The following PHLDB3 variants were observed in gnomAD, a reference collection of about 807,000 sequenced individuals.
The protein encoded by PHLDB3 is pleckstrin homology-like domain family B member 3.
PHLDB3 carries 86 observed loss-of-function variants against 85.7 expected under a neutral mutation model. The ratio of observed to expected loss-of-function variants is 1.00; its 90% CI spans 0.84 to 1.20. The LOEUF (loss-of-function observed/expected upper bound fraction) is 1.20, where lower values mean the gene tolerates loss of function less well. Among genes scored for constraint, PHLDB3 ranks in the 50% most tolerant of loss-of-function variants. PHLDB3 has a pLI of 0.00. For missense variants in PHLDB3, 995 were observed against 873.0 expected (o/e 1.14, Z -1.76); for synonymous variants, 376 against 349.8 (o/e 1.07, Z -0.83).
chr19:43,486,199 A>G, intron 13 of PHLDB3, 67 bp downstream of exon 13: 4 of 1,409,196 alleles, frequency 2.8e-6, no homozygotes, highest in Non-Finnish European at 3.7e-6. Context: ...AGATGTAAGA[A>G]AGGGCATAGG....
chr19:43,502,383 T>C, intron 2 of PHLDB3, 100 bp from the exon 3 acceptor site: 4 of 1,145,870 alleles, frequency 3.5e-6, no homozygotes, highest in Non-Finnish European at 4.8e-6. Flanking sequence ...CGGGTCTCAG[T>C]CCATCAGTCC....
intron 9 of PHLDB3, among the ~76,000 whole-genome samples, chr19:43,493,629 C>CAA (rs964629803): frequency 1.2e-4 from 16 of 136,630 alleles, no homozygotes; most frequent in African/African-American, 4.0e-4. Context: ...GAGACTCTGT[C>CAA]AAAAAAAAAA....
intron 13 of PHLDB3, among the ~76,000 whole-genome samples, chr19:43,480,176 C>G (rs1008947904): frequency 1.1e-4 from 16 of 148,576 alleles, no homozygotes; most frequent in Non-Finnish European, 4.4e-5. Context: ...CCTGTAATTC[C>G]AGCTACTCAG....
chr19:43,495,238 C>T lies in PHLDB3; in HGVS notation c.1035+18G>A, dbSNP rs1443111285. 1 of 1,609,212 alleles carries T rather than the reference C, an allele frequency of 6.2e-7. No homozygotes were observed. Among genetic ancestry groups the T allele is most frequent in the Admixed American group, 1.7e-5 (1 of 59,738 alleles). On this transcript the variant is annotated intron_variant, in intron 8 of 15. Transcript: ENST00000292140. ...GTCTGAGGGAGGAGGGACTGAGAGG[C>T]ATACAAAATCCCCATACCTTAGTGA... is the stretch of plus-strand genomic sequence containing the variant.
At chr19:43,498,974 C>CGG (rs1276371754) in intron 4 of PHLDB3, among the ~76,000 whole-genome samples, 1 of 151,884 alleles carries the variant, frequency 6.6e-6, no homozygotes, top group African/African-American at 2.4e-5. Context: ...GTCCAGCTCA[C>CGG]GGGGGGTTTG....
chr19:43,501,984 A>C, intron 3 of PHLDB3, 113 bp from the exon 4 acceptor site: 1 of 1,482,346 alleles, frequency 6.7e-7, no homozygotes, highest in East Asian at 2.5e-5. Flanking sequence ...CTGAATTTGG[A>C]GGGAGGAAGA....
intron 15 of PHLDB3, 26 bp downstream of exon 15, chr19:43,478,021 G>T: frequency 6.3e-7 from 1 of 1,579,826 alleles, no homozygotes; most frequent in Non-Finnish European, 8.7e-7. Flanking sequence ...CAACTGGGAG[G>T]TCAGGGTGAC....
At position 43,497,768 on chromosome 19, in the gene PHLDB3, G is replaced by T; in HGVS notation, c.643C>A (p.Leu215Ile). ...ATTACCTCCTGCACACCCTGCAGAAGCCGCTCGCGTTGGTCCTCTGGCTGT... is the reference window on the plus strand; with the variant it reads ...ATTACCTCCTGCACACCCTGCAGAATCCGCTCGCGTTGGTCCTCTGGCTGT... ...DSQPEDQRER[L>I]LQGVQEMREQ... Residue 215 changes from leucine to isoleucine, a missense_variant, in exon 5 of 16, where the codon CTT becomes ATT. Leu to Ile is a conservative substitution (Grantham distance 5, BLOSUM62 2). Transcript: ENST00000292140. The T allele has an allele frequency of 6.4e-7, 1 of 1,552,580 alleles. No individual in the cohort carries two copies. Among genetic ancestry groups the T allele is most frequent in the Non-Finnish European group, 8.7e-7 (1 of 1,147,530 alleles).
Position 43,504,125 on chromosome 19 carries a change from T to C in PHLDB3, c.-7A>G. The C allele has an allele frequency of 2.5e-6, 4 of 1,585,230 alleles. No homozygotes were observed. The highest frequency in any genetic ancestry group is 3.4e-6 in the Non-Finnish European group (4 of 1,167,148). ...GGCTGCTTCGCGTCCCCATGGCCGC[T>C]GGGACTCCTGCGGGGTGGGCGGGAC... On this transcript the variant is annotated 5_prime_UTR_variant, in exon 2 of 16. Coordinates refer to ENST00000292140, the MANE Select transcript of PHLDB3 (RefSeq NM_198850.4).
At chr19:43,504,291 C>T in intron 1 of PHLDB3, 159 bp from the exon 2 acceptor site, 2 of 703,556 alleles carry the variant, frequency 2.8e-6, no homozygotes, top group Non-Finnish European at 4.6e-6. Context: ...CCTGAAGTTT[C>T]CAGAGGCGGG....
Position 43,479,458 on chromosome 19 carries a change from T to A in PHLDB3, c.1621A>T (p.Lys541Ter). 6.4e-7 allele frequency: 1 copy of A among 1,565,092 alleles called. No homozygotes were observed. Among genetic ancestry groups the A allele is most frequent in the South Asian group, 1.2e-5 (1 of 84,814 alleles). Residue 541 changes from lysine (K) to a stop codon, truncating the protein, a stop_gained, in exon 14 of 16, where the codon AAG becomes TAG. Transcript: ENST00000292140. LOFTEE classifies it high-confidence loss of function. ...SGCCCRGPLV[K>*]MGGRIKTWRK... is the part of the protein sequence containing the mutation. ...CAGGTCTTGATGCGGCCGCCCATCT[T>A]CACCAGGGGTCCACGGCAGCAGCAC...
chr19:43,500,909 A>ACCCCCCCCCCCCCCCCCCCCCCCCCC (rs1248570317), intron 4 of PHLDB3, among the ~76,000 whole-genome samples: 5 of 17,148 alleles, frequency 2.9e-4, no homozygotes, highest in Admixed American at 1.2e-3. Context: ...CGCCCCCCGT[A>ACCCCCCCCCCCCCCCCCCCCCCCCCC]CCCCCCCCCC....
rs1230363094 is a variant in PHLDB3 at position 43,503,677 on chromosome 19, C to CTATCTGGTTTCTGTCTCTG, written c.213+210_213+228dup. On this transcript the variant is annotated intron_variant, in intron 2 of 15. Coordinates refer to ENST00000292140, the MANE Select transcript of PHLDB3 (RefSeq NM_198850.4). ...CCGTTCTTGGGGCCTCCCCGTGGCT[C>CTATCTGGTTTCTGTCTCTG]TATCTGGTTTCTGTCTCTGTATCTG... is the stretch of plus-strand genomic sequence containing the variant. Among the ~76,000 whole-genome samples, 14 of 152,200 alleles carry CTATCTGGTTTCTGTCTCTG rather than the reference C, an allele frequency of 9.2e-5. No homozygotes were observed. In the South Asian group the frequency reaches 2.5e-3, roughly 27 times the overall value.
chr19:43,480,357 G>A (rs1971020613), intron 13 of PHLDB3, among the ~76,000 whole-genome samples: 1 of 150,818 alleles, frequency 6.6e-6, no homozygotes, highest in African/African-American at 2.4e-5. Flanking sequence ...TTGGGAAGCT[G>A]AAGTGGGAGG....
In PHLDB3 at chr19:43,475,136, A is replaced by T. The variant is rs927101653; in HGVS notation, c.*274T>A. ...TTTCCTCCGTATTTAATTCGGTATCACAGGAGCACCAATAAATAGTTTCTT... is the reference window on the plus strand; with the variant it reads ...TTTCCTCCGTATTTAATTCGGTATCTCAGGAGCACCAATAAATAGTTTCTT... On this transcript the variant is annotated 3_prime_UTR_variant, in exon 16 of 16. Transcript: ENST00000292140. 3.4e-5 allele frequency: 12 copies of T among 356,462 alleles called. No homozygotes were observed. The highest frequency in any genetic ancestry group is 8.9e-5 in the Admixed American group (2 of 22,552). 22.1% of individuals were successfully genotyped at this position (356,462 alleles called of 1,614,324 possible).
At chr19:43,490,932 T>C (rs1279755657) in intron 9 of PHLDB3, among the ~76,000 whole-genome samples, 1 of 152,212 alleles carries the variant, frequency 6.6e-6, no homozygotes, top group African/African-American at 2.4e-5. Context: ...CTCACTGCCC[T>C]TCCTGGGTTG....
Position 43,504,144 on chromosome 19 carries a change from G to A in PHLDB3, c.-14-12C>T, listed in dbSNP as rs994259903. On this transcript the variant is annotated splice_polypyrimidine_tract_variant and intron_variant, in intron 1 of 15. Coordinates refer to ENST00000292140, the MANE Select transcript of PHLDB3 (RefSeq NM_198850.4). ...GGCCGCTGGGACTCCTGCGGGGTGG[G>A]CGGGACCAGAAGCTCCGGGGGCGGG... is the stretch of plus-strand genomic sequence containing the variant. 3.8e-6 allele frequency: 6 copies of A among 1,561,266 alleles called. No individual in the cohort carries two copies. In the African/African-American group the frequency reaches 8.2e-5, roughly 21 times the overall value.
intron 13 of PHLDB3, among the ~76,000 whole-genome samples, chr19:43,484,158 G>A (rs2145903628): frequency 6.6e-6 from 1 of 151,870 alleles, no homozygotes; most frequent in South Asian, 2.1e-4. Flanking sequence ...GGCTGAGGCG[G>A]GAGAATCGCT....
In PHLDB3 at chr19:43,495,463, C is replaced by T. The variant is rs754006054; in HGVS notation, c.951+32G>A. On this transcript the variant is annotated intron_variant, in intron 7 of 15. Transcript: ENST00000292140. ...GGGATGCCCCAGGGGGAAGTGAGGA[C>T]GGTAGGGTAGGGCAGGTGACAGGTA... The T allele has an allele frequency of 3.1e-5, 49 of 1,604,496 alleles. No homozygotes were observed. In the Middle Eastern group the frequency reaches 1.2e-3, roughly 38 times the overall value.
Sources: allele counts gnomAD v4.1 joint callset (sites outside exome capture counted in the v4.1 genomes callset), GRCh38; gene constraint gnomAD v4.1.1; transcripts MANE v1.5; gene names NCBI Gene and HGNC (gene_info 2026-07-23, HGNC 2026-07-21).